MAPK3: variants seen among roughly 807,000 people sequenced by gnomAD.
MAPK3 encodes MAPK 1.
In MAPK3, 30 loss-of-function variants were observed where a neutral mutation model predicts 41.8. The observed-to-expected ratio is 0.72, with a 90% CI of 0.54 to 0.97. The LOEUF is 0.97. MAPK3 is among the 50% of genes least tolerant of loss of function. The pLI, the probability that MAPK3 is intolerant of heterozygous loss-of-function variation, is 0.00. For synonymous variants in MAPK3, 222 were observed against 213.4 expected, an observed-to-expected ratio of 1.04 and a Z score of -0.35; for missense variants, 413 against 509.9, an observed-to-expected ratio of 0.81 and a Z score of 1.83.
At position 30,119,872 on chromosome 16, in the gene MAPK3, T is replaced by C. The variant is rs867165704; in HGVS notation, c.354-1334A>G. Among the ~76,000 whole-genome samples, 11 of 152,306 alleles carry C rather than the reference T, an allele frequency of 7.2e-5. No individual in the cohort carries two copies. The South Asian group carries it at 1.5e-3, about 20-fold the overall frequency. ...AGAAAAATAAGTCAGGGCTGTCTTT[T>C]AGAATCTGCCTTGAGACCAGGCATG... On this transcript the variant is annotated intron_variant, in intron 2 of 8. Coordinates refer to ENST00000263025, the MANE Select transcript of MAPK3 (RefSeq NM_002746.3).
chr16:30,117,915 A>G lies in MAPK3; in HGVS notation c.661-131T>C, dbSNP rs2072974678. 7 of 1,093,154 alleles carry G rather than the reference A, an allele frequency of 6.4e-6. No individual in the cohort carries two copies. In the South Asian group the frequency reaches 6.7e-5, roughly 10 times the overall value. 67.7% of individuals were successfully genotyped at this position (1,093,154 alleles called of 1,614,324 possible). The stretch of plus-strand genomic sequence containing the variant: ...CAGAGGCCTGGAGGGCTCAATGCTC[A>G]GCTTCCTTGCAGAGCCCAAGGCCCA... On this transcript the variant is annotated intron_variant, in intron 4 of 8. Coordinates refer to ENST00000263025, the MANE Select transcript of MAPK3 (RefSeq NM_002746.3).
At chr16:30,115,281 T>C (rs1235608569) in intron 8 of MAPK3, among the ~76,000 whole-genome samples, 1 of 150,044 alleles carries the variant, frequency 6.7e-6, no homozygotes, top group Non-Finnish European at 1.5e-5. Flanking sequence ...CGCCGAGAGG[T>C]GAGGTGCCTT....
intron 2 of MAPK3, among the ~76,000 whole-genome samples, chr16:30,121,212 G>A (rs771257602): frequency 2.0e-5 from 3 of 152,010 alleles, no homozygotes; most frequent in Non-Finnish European, 2.9e-5. Flanking sequence ...GGGTTCAAGC[G>A]ATTCTCCTAC....
chr16:30,118,602 C>T, intron 2 of MAPK3, 64 bp from the exon 3 acceptor site: 1 of 1,432,408 alleles, frequency 7.0e-7, no homozygotes, highest in Non-Finnish European at 9.6e-7. Context: ...TTAAGGAAAA[C>T]AGGCTCTGAA....
At chr16:30,114,947 A>G (rs1420147597) in intron 8 of MAPK3, among the ~76,000 whole-genome samples, 1 of 152,048 alleles carries the variant, frequency 6.6e-6, no homozygotes, top group African/African-American at 2.4e-5. Flanking sequence ...TCATTATTAG[A>G]ACTGTCTCGG....
chr16:30,117,624 C>T (rs746745045), intron 5 of MAPK3, 46 bp downstream of exon 5: 33 of 1,478,536 alleles, frequency 2.2e-5, no homozygotes, highest in South Asian at 6.8e-5. Flanking sequence ...AATCTCACCT[C>T]GGAAAAGCTA....
At chr16:30,119,463 G>T (rs1171165003) in intron 2 of MAPK3, among the ~76,000 whole-genome samples, 1 of 152,134 alleles carries the variant, frequency 6.6e-6, no homozygotes, top group Admixed American at 6.6e-5. Flanking sequence ...TCTTTTGAGG[G>T]TGGTTGTGAA....
At chr16:30,117,637 C>T (rs2072970868) in intron 5 of MAPK3, 33 bp downstream of exon 5, 3 of 1,548,182 alleles carry the variant, frequency 1.9e-6, no homozygotes, top group South Asian at 2.2e-5. Context: ...AAAAGCTAAT[C>T]ATCCCCAACT....
Position 30,117,661 on chromosome 16 carries a change from C to G in MAPK3, c.775+9G>C. On this transcript the variant is annotated intron_variant, in intron 5 of 8. Coordinates refer to ENST00000263025, the MANE Select transcript of MAPK3 (RefSeq NM_002746.3). ...TCATCCCCAACTCAGCCAGCCGGGCCTCCCTCACCCAGAATGTGGTTGAGC... is the reference window on the plus strand; with the variant it reads ...TCATCCCCAACTCAGCCAGCCGGGCGTCCCTCACCCAGAATGTGGTTGAGC... 1.2e-6 allele frequency: 2 copies of G among 1,610,286 alleles called. No individual in the cohort carries two copies. The highest frequency in any genetic ancestry group is 1.7e-6 in the Non-Finnish European group (2 of 1,176,536).
intron 3 of MAPK3, 72 bp downstream of exon 3, chr16:30,118,277 A>C (rs2151045796): frequency 6.4e-7 from 1 of 1,574,442 alleles, no homozygotes; most frequent in East Asian, 2.2e-5. Flanking sequence ...TCTCCTGCCC[A>C]AGGCTTCTTC....
intron 8 of MAPK3, among the ~76,000 whole-genome samples, chr16:30,115,185 T>C (rs1567353476): frequency 6.6e-6 from 1 of 151,896 alleles, no homozygotes; most frequent in Non-Finnish European, 1.5e-5. Flanking sequence ...CACCACTGCA[T>C]TCCAGCCTGG....
chr16:30,116,518 T>G, intron 8 of MAPK3, 118 bp downstream of exon 8: 35 of 1,111,546 alleles, frequency 3.1e-5, no homozygotes, highest in East Asian at 4.9e-5. Flanking sequence ...ACATTGACCA[T>G]GGGTGTGGGG....
rs543170558 is a variant in MAPK3, at chr16:30,122,023, G to A, written c.171-17C>T. 6.2e-6 allele frequency: 10 copies of A among 1,613,572 alleles called. No individual in the cohort carries two copies. The South Asian group carries it at 1.1e-4, about 18-fold the overall frequency. On this transcript the variant is annotated splice_polypyrimidine_tract_variant and intron_variant, in intron 1 of 8. Transcript: ENST00000263025. Reference sequence around the variant, plus strand: ...TAGGCCGAGCTGAGGGGACCGGAGAGAGGCTGCTGCTGTGGCCTTACAAAG... The same window carrying A: ...TAGGCCGAGCTGAGGGGACCGGAGAAAGGCTGCTGCTGTGGCCTTACAAAG...
chr16:30,117,583 G>T (rs764301408), intron 5 of MAPK3, 87 bp downstream of exon 5: 3 of 1,007,670 alleles, frequency 3.0e-6, no homozygotes, highest in Non-Finnish European at 4.7e-6. Flanking sequence ...CACCCCACAC[G>T]TGGTGGTATC....
intron 1 of MAPK3, 65 bp downstream of exon 1, chr16:30,122,972 GCCT>G (rs2073032004): frequency 6.1e-5 from 79 of 1,290,682 alleles, no homozygotes; most frequent in South Asian, 2.6e-4. Context: ...AGCGCTCGGC[GCCT>G]CCTCCTCCTC....
intron 4 of MAPK3, 72 bp from the exon 5 acceptor site, chr16:30,117,856 C>A: frequency 7.8e-7 from 1 of 1,276,590 alleles, no homozygotes; most frequent in Non-Finnish European, 1.1e-6. Flanking sequence ...GCCAGGCCAC[C>A]ACCTCCAAGT....
chr16:30,122,138 G>A, intron 1 of MAPK3, 132 bp from the exon 2 acceptor site: 1 of 833,408 alleles, frequency 1.2e-6, no homozygotes, highest in South Asian at 1.5e-5. Flanking sequence ...AACAATGCTG[G>A]TTCCTTCCTG....
chr16:30,118,557 AC>A lies in MAPK3; in HGVS notation c.354-20del, dbSNP rs572153683. 5.2e-5 allele frequency: 83 copies of A among 1,593,338 alleles called. No homozygotes were observed. Among genetic ancestry groups the A allele is most frequent in the African/African-American group, 6.8e-5 (5 of 73,940 alleles). On this transcript the variant is annotated intron_variant, in intron 2 of 8. Transcript: ENST00000263025. ...AATGTAGCTGAGGATGGTTCCGCAG[AC>A]CCCCCCAGGCAGGGGGCAGTGGGAG...
At position 30,121,959 on chromosome 16, in the gene MAPK3, ATCT is replaced by A. The variant is rs2073020373; in HGVS notation, c.215_217del (p.Lys72del). 8 of 1,614,090 alleles carry A rather than the reference ATCT, an allele frequency of 5.0e-6. No homozygotes were observed. The highest frequency in any genetic ancestry group is 6.8e-6 in the Non-Finnish European group (8 of 1,180,028). On this transcript the variant is annotated inframe_deletion, in exon 2 of 9. Transcript: ENST00000263025. ...GTAGGTCTGATGTTCGAAGGGGCTGATCTTCTTGATGGCCACGCGAGTCTTGCG... is the reference window on the plus strand; with the variant it reads ...GTAGGTCTGATGTTCGAAGGGGCTGATCTTGATGGCCACGCGAGTCTTGCG...
Sources: allele counts gnomAD v4.1 joint callset (sites outside exome capture counted in the v4.1 genomes callset), GRCh38; gene constraint gnomAD v4.1.1; transcripts MANE v1.5; gene names NCBI Gene and HGNC (gene_info 2026-07-23, HGNC 2026-07-21).